The following TSHZ2 variants were observed in gnomAD, a reference collection of about 807,000 sequenced individuals.
The protein encoded by TSHZ2 is teashirt zinc finger homeobox 2.
In TSHZ2, 21 loss-of-function variants were observed where a neutral mutation model predicts 74.4. The ratio of observed to expected loss-of-function variants is 0.28; its 90% CI spans 0.20 to 0.41. The LOEUF is 0.41. Ranked by LOEUF, TSHZ2 falls within the 10% of genes least tolerant of loss-of-function variation. The pLI is 1.00. For synonymous variants in TSHZ2, 540 were observed against 515.3 expected (o/e 1.05, Z -0.65); for missense variants, 1,244 against 1,293.5 (o/e 0.96, Z 0.59).
At chr20:53,328,311 C>T (rs970575119) in intron 2 of TSHZ2, among the ~76,000 whole-genome samples, 3 of 152,098 alleles carry the variant, frequency 2.0e-5, no homozygotes, top group Non-Finnish European at 4.4e-5. Context: ...TTGAGAAGGT[C>T]GTGGAAATCG....
At chr20:53,460,215 T>C (rs1985296628) in intron 2 of TSHZ2, among the ~76,000 whole-genome samples, 1 of 151,816 alleles carries the variant, frequency 6.6e-6, no homozygotes, top group African/African-American at 2.4e-5. Context: ...AGATTTGGTC[T>C]TTTCGCATAG....
At chr20:53,286,604 A>T (rs1991171197) in intron 2 of TSHZ2, among the ~76,000 whole-genome samples, 1 of 152,204 alleles carries the variant, frequency 6.6e-6, no homozygotes, top group African/African-American at 2.4e-5. Context: ...AATATGTAAA[A>T]ACAGGCACAG....
chr20:53,240,710 AGATAGATAGAT>A (rs1289009547), intron 1 of TSHZ2, among the ~76,000 whole-genome samples: 10 of 140,250 alleles, frequency 7.1e-5, no homozygotes, highest in African/African-American at 2.1e-4. Context: ...GCATTAAAAT[AGATAGATAGAT>A]GATAGATAGA....
intron 1 of TSHZ2, among the ~76,000 whole-genome samples, chr20:53,246,717 G>A (rs1600765130): frequency 6.6e-6 from 1 of 152,334 alleles, no homozygotes; most frequent in Middle Eastern, 3.4e-3. Context: ...ACAAAGGGAT[G>A]ACAGAATATC....
chr20:53,225,585 A>T (rs1989665509), intron 1 of TSHZ2, among the ~76,000 whole-genome samples: 1 of 152,216 alleles, frequency 6.6e-6, no homozygotes, highest in Non-Finnish European at 1.5e-5. Flanking sequence ...TTTATTAGGT[A>T]TCATGTCATT....
At chr20:53,137,296 C>CT (rs759993398) in intron 1 of TSHZ2, among the ~76,000 whole-genome samples, 23,250 of 135,210 alleles carry the variant, frequency 0.17, 2,501 homozygotes, top group African/African-American at 0.29. Flanking sequence ...ATTCGTGTTT[C>CT]TTTTTTTTTT....
At chr20:53,053,615 A>G (rs1984549691) in intron 1 of TSHZ2, among the ~76,000 whole-genome samples, 3 of 151,998 alleles carry the variant, frequency 2.0e-5, no homozygotes, top group Admixed American at 6.6e-5. Flanking sequence ...CTCGATATCT[A>G]ATGGAAGAGA....
chr20:53,443,071 T>C (rs1250168860), intron 2 of TSHZ2, among the ~76,000 whole-genome samples: 1 of 152,184 alleles, frequency 6.6e-6, no homozygotes, highest in African/African-American at 2.4e-5. Flanking sequence ...AATTACAGTT[T>C]TGCATTGAGA....
At position 53,391,630 on chromosome 20, in the gene TSHZ2, A is replaced by G. The variant is rs551710174; in HGVS notation, c.*9-95514A>G. ...TATTTTAAAGACATTCCTTCTGAATATTTAAGCAATGATATTAAGAATGGC... is the reference window on the plus strand; with the variant it reads ...TATTTTAAAGACATTCCTTCTGAATGTTTAAGCAATGATATTAAGAATGGC... On this transcript the variant is annotated intron_variant, in intron 2 of 2. Coordinates refer to ENST00000371497, the MANE Select transcript of TSHZ2 (RefSeq NM_173485.6). Among the ~76,000 whole-genome samples the G allele has an allele frequency of 1.4e-4, 22 of 152,290 alleles. No individual in the cohort carries two copies. The South Asian group carries it at 4.4e-3, about 30-fold the overall frequency.
intron 1 of TSHZ2, among the ~76,000 whole-genome samples, chr20:52,993,090 A>G (rs1414546708): frequency 6.6e-6 from 1 of 152,238 alleles, no homozygotes; most frequent in African/African-American, 2.4e-5. Flanking sequence ...TCCACAATAG[A>G]AGGACTTTGA....
chr20:52,976,155 G>A (rs780154274), intron 1 of TSHZ2, among the ~76,000 whole-genome samples: 1 of 152,176 alleles, frequency 6.6e-6, no homozygotes, highest in Admixed American at 6.5e-5. Flanking sequence ...ACTAAAGCAG[G>A]TATCTAAACA....
chr20:53,133,569 A>C (rs1987163840), intron 1 of TSHZ2, among the ~76,000 whole-genome samples: 1 of 152,254 alleles, frequency 6.6e-6, no homozygotes, highest in Admixed American at 6.5e-5. Context: ...TATTCTCAAC[A>C]GGGAGCTTTG....
At chr20:53,317,805 T>C (rs1163575687) in intron 2 of TSHZ2, among the ~76,000 whole-genome samples, 2 of 152,198 alleles carry the variant, frequency 1.3e-5, no homozygotes, top group Non-Finnish European at 2.9e-5. Flanking sequence ...ACACAGCCCA[T>C]GTTCTGGAGC....
chr20:53,215,147 A>C (rs1257701647), intron 1 of TSHZ2, among the ~76,000 whole-genome samples: 1 of 152,098 alleles, frequency 6.6e-6, no homozygotes, highest in Non-Finnish European at 1.5e-5. Context: ...TCAAAACCTG[A>C]ATTTCAGGCT....
chr20:53,469,520 G>C (rs1255796076), intron 2 of TSHZ2, among the ~76,000 whole-genome samples: 1 of 151,136 alleles, frequency 6.6e-6, no homozygotes, highest in African/African-American at 2.4e-5. Flanking sequence ...CTCCAGCCTG[G>C]GTGAGTGAGA....
rs553910074 is a variant in TSHZ2, at chr20:53,378,424, A to T, written c.*9-108720A>T. On this transcript the variant is annotated intron_variant, in intron 2 of 2. Coordinates refer to ENST00000371497, the MANE Select transcript of TSHZ2 (RefSeq NM_173485.6). ...CAAGCTAAATGACTAGCCAAGGAAA[A>T]TGTCATTCAAAATCTCCCACACCTT... Among the ~76,000 whole-genome samples the T allele has an allele frequency of 2.8e-4, 42 of 151,754 alleles. No individual in the cohort carries two copies. In the South Asian group the frequency reaches 5.2e-3, roughly 19 times the overall value.
intron 1 of TSHZ2, chr20:53,208,628 G>A (rs1568813956): frequency 6.6e-6 from 1 of 152,098 alleles, no homozygotes; most frequent in South Asian, 2.1e-4. Context: ...AGTGCACTTG[G>A]ACTTTCTCAT....
At chr20:53,120,440 CAAG>C (rs1214913638) in intron 1 of TSHZ2, among the ~76,000 whole-genome samples, 3 of 151,902 alleles carry the variant, frequency 2.0e-5, no homozygotes, top group Non-Finnish European at 4.4e-5. Flanking sequence ...AGTTCTGTGA[CAAG>C]AAGATAAATT....
At chr20:53,465,958 A>C (rs1985543922) in intron 2 of TSHZ2, among the ~76,000 whole-genome samples, 1 of 135,716 alleles carries the variant, frequency 7.4e-6, no homozygotes, top group Non-Finnish European at 1.6e-5. Flanking sequence ...ACATATAATC[A>C]CAGTGGTTAA....
Sources: allele counts gnomAD v4.1 joint callset (sites outside exome capture counted in the v4.1 genomes callset), GRCh38; gene constraint gnomAD v4.1.1; transcripts MANE v1.5; gene names NCBI Gene and HGNC (gene_info 2026-07-23, HGNC 2026-07-21).